ZNF726: variants seen among roughly 807,000 people sequenced by gnomAD.
The protein encoded by ZNF726 is zinc finger protein 92 pseudogene 3.
Under a neutral mutation model 11.6 loss-of-function variants are expected in ZNF726, and 15 were observed. The ratio of observed to expected loss-of-function variants is 1.29; its 90% CI spans 0.86 to 1.99. The LOEUF (loss-of-function observed/expected upper bound fraction) is 1.99. ZNF726 is among the 30% of genes most tolerant of loss of function. The pLI, the probability that ZNF726 is intolerant of heterozygous loss-of-function variation, is 0.00. For synonymous variants in ZNF726, 295 were observed against 243.6 expected, an observed-to-expected ratio of 1.21 and a Z score of -1.96; for missense variants, 890 against 725.6, an observed-to-expected ratio of 1.23 and a Z score of -2.60.
intron 3 of ZNF726, chr19:23,929,419 GA>G: frequency 6.0e-6 from 1 of 165,666 alleles, no homozygotes; most frequent in Non-Finnish European, 1.3e-5. Flanking sequence ...GGTGGAAGGT[GA>G]AAGGCATGTC....
At chr19:23,922,267 A>T (rs981617889) in intron 3 of ZNF726, among the ~76,000 whole-genome samples, 1 of 152,198 alleles carries the variant, frequency 6.6e-6, no homozygotes, top group Admixed American at 6.5e-5. Context: ...TTATATCAGG[A>T]TGTGGATGAG....
rs1968173278 is a variant in ZNF726 at position 23,933,737 on chromosome 19, G to C, written c.1621G>C (p.Glu541Gln). Residue 541 changes from glutamate (E) to glutamine (Q), a missense_variant, in exon 4 of 4, where the codon GAA becomes CAA. Glu to Gln is a conservative substitution (Grantham distance 29). Coordinates refer to ENST00000594466, the MANE Select transcript of ZNF726 (RefSeq NM_001244038.2). ...HTGEKPYKCE[E>Q]CGKTFNQSSN... is the part of the protein sequence containing the mutation. ...TGGAGAGAAACCCTACAAATGTGAA[G>C]AATGTGGCAAAACTTTTAATCAATC... 1 of 1,612,006 alleles carries C rather than the reference G, an allele frequency of 6.2e-7. No homozygotes were observed. The highest frequency in any genetic ancestry group is 1.3e-5 in the African/African-American group (1 of 74,820).
In ZNF726 at chr19:23,932,362, T is replaced by C. The variant is rs771225245; in HGVS notation, c.246T>C (p.Ala82=). Residue 82 remains alanine, a synonymous_variant, in exon 4 of 4, where the codon GCT becomes GCC. Coordinates refer to ENST00000594466, the MANE Select transcript of ZNF726 (RefSeq NM_001244038.2). ...DEPPGICPHF[A]QDIWPEQGVE... is the part of the protein sequence containing the mutation. ...TTTTAGGTATATGTCCTCATTTTGC[T>C]CAAGACATTTGGCCAGAGCAGGGCG... 3 of 1,434,172 alleles carry C rather than the reference T, an allele frequency of 2.1e-6. No homozygotes were observed. The East Asian group carries it at 7.4e-5, about 35-fold the overall frequency. The allele number at this position is 1,434,172 out of a possible 1,614,324, so 88.8% of individuals were successfully genotyped here. A position where few individuals can be genotyped will look rare whatever the true frequency, so the allele number is the denominator to read the frequency against.
Position 23,919,570 on chromosome 19 carries a change from C to G in ZNF726, c.130+71C>G, listed in dbSNP as rs1967792132. The G allele has an allele frequency of 4.7e-6, 7 of 1,476,216 alleles. No homozygotes were observed. The South Asian group carries it at 6.5e-5, about 14-fold the overall frequency. The allele number at this position is 1,476,216 out of a possible 1,614,324, so 91.4% of individuals were successfully genotyped here. On this transcript the variant is annotated intron_variant, in intron 2 of 3. Coordinates refer to ENST00000594466, the MANE Select transcript of ZNF726 (RefSeq NM_001244038.2). The stretch of plus-strand genomic sequence containing the variant: ...TTATTTTTCTTTTGTAGTATGTTTT[C>G]TGGTAATTTATGCTTTCCTATTTCT...
intron 3 of ZNF726, among the ~76,000 whole-genome samples, chr19:23,922,268 TG>T: frequency 6.6e-6 from 1 of 152,212 alleles, no homozygotes. Flanking sequence ...TATATCAGGA[TG>T]TGGATGAGCA....
intron 3 of ZNF726, among the ~76,000 whole-genome samples, chr19:23,922,838 G>A (rs536474652): frequency 1.3e-3 from 192 of 152,112 alleles, no homozygotes; most frequent in Admixed American, 2.2e-3. Context: ...TGTGAACCAT[G>A]ATGCCTGGTT....
At chr19:23,940,670 C>G (rs1245325285) in intron 3 of ZNF726, among the ~76,000 whole-genome samples, 1 of 152,114 alleles carries the variant, frequency 6.6e-6, no homozygotes, top group Non-Finnish European at 1.5e-5. Flanking sequence ...TATCTTTCAG[C>G]AGTGTTTTGT....
At chr19:23,925,724 T>C (rs946339172) in intron 3 of ZNF726, among the ~76,000 whole-genome samples, 1 of 149,266 alleles carries the variant, frequency 6.7e-6, no homozygotes, top group Non-Finnish European at 1.5e-5. Flanking sequence ...TTTTTTTTTT[T>C]TTTTTTTTGG....
rs963811027 is a variant in ZNF726, at chr19:23,933,359, C to G, written c.1243C>G (p.His415Asp). ...TCATCGATCCTCAAATCTTACTAAA[C>G]ATAAGATAATTCATACTGGAGAGAA... Reference protein sequence around the residue: ...AFHRSSNLTKHKIIHTGEKPY... With the variant: ...AFHRSSNLTKDKIIHTGEKPY... The change falls in exon 4 of 4, where the codon CAT becomes GAT. Residue 415 changes from histidine to aspartate, a missense_variant. Transcript: ENST00000594466. 1 of 1,612,706 alleles carries G rather than the reference C, an allele frequency of 6.2e-7. No individual in the cohort carries two copies. Among genetic ancestry groups the G allele is most frequent in the African/African-American group, 1.3e-5 (1 of 74,746 alleles).
At chr19:23,931,505 T>C (rs1293389636) in intron 3 of ZNF726, among the ~76,000 whole-genome samples, 1 of 152,166 alleles carries the variant, frequency 6.6e-6, no homozygotes, top group Non-Finnish European at 1.5e-5. Flanking sequence ...TATTTTTTTA[T>C]GGTTTCTTTC....
chr19:23,936,103 A>G (rs1480200935), downstream of ZNF726: 1 of 152,208 alleles, frequency 6.6e-6, no homozygotes, highest in African/African-American at 2.4e-5. Flanking sequence ...ATTTGGAAAA[A>G]CATTTTTTCA....
At chr19:23,930,848 C>G (rs1568379236) in intron 3 of ZNF726, among the ~76,000 whole-genome samples, 1 of 152,100 alleles carries the variant, frequency 6.6e-6, no homozygotes, top group Non-Finnish European at 1.5e-5. Flanking sequence ...AAATTTACCA[C>G]AAAATATTTT....
rs188109744 is a variant in ZNF726, at chr19:23,941,893, T to C, written c.227-1601T>C. On this transcript the variant is annotated intron_variant, in intron 3 of 4. Coordinates refer to the ZNF726 transcript ENST00000334589. ...CTTGGTTAATCTTGCTAATGGCCTATCAATTTTATTTATCTTTTCTAAGGA... is the reference window on the plus strand; with the variant it reads ...CTTGGTTAATCTTGCTAATGGCCTACCAATTTTATTTATCTTTTCTAAGGA... Among the ~76,000 whole-genome samples, 4 of 152,322 alleles carry C rather than the reference T, an allele frequency of 2.6e-5. No individual in the cohort carries two copies. The East Asian group carries it at 7.7e-4, about 29-fold the overall frequency.
chr19:23,915,668 C>T (rs1024056527), intron 1 of ZNF726, among the ~76,000 whole-genome samples: 7 of 152,000 alleles, frequency 4.6e-5, no homozygotes, highest in South Asian at 2.1e-4. Flanking sequence ...GCAACCTCCA[C>T]CTCCCGGGTT....
At chr19:23,940,529 T>G (rs966110058) in intron 3 of ZNF726, among the ~76,000 whole-genome samples, 3 of 151,940 alleles carry the variant, frequency 2.0e-5, no homozygotes, top group South Asian at 4.2e-4. Flanking sequence ...GTGTGAAGAA[T>G]GATGGTGGTA....
chr19:23,943,476 T>C (rs1387225473), intron 3 of ZNF726: 2 of 593,820 alleles, frequency 3.4e-6, no homozygotes, highest in Non-Finnish European at 3.1e-6. Flanking sequence ...GTCATATTAC[T>C]TTTTTCTAAC....
At chr19:23,935,102 G>C, downstream of ZNF726, 1 of 356,712 alleles carries the variant, frequency 2.8e-6, no homozygotes, top group South Asian at 2.2e-5. Flanking sequence ...TCTGCCCAGG[G>C]GCAAGGCTGG....
chr19:23,927,139 G>A (rs1284472402), intron 3 of ZNF726, among the ~76,000 whole-genome samples: 3 of 151,840 alleles, frequency 2.0e-5, no homozygotes, highest in Admixed American at 2.0e-4. Flanking sequence ...AAATTTTTTT[G>A]TATTTTTAGT....
chr19:23,940,086 T>C (rs1968314663), intron 3 of ZNF726, among the ~76,000 whole-genome samples: 1 of 152,138 alleles, frequency 6.6e-6, no homozygotes, highest in Admixed American at 6.5e-5. Flanking sequence ...CATGAAATTT[T>C]TGCCTAGCCA....
Sources: gnomAD v4.1 joint callset for allele counts (sites outside exome capture counted in the v4.1 genomes callset) on GRCh38, gnomAD v4.1.1 for gene constraint, MANE v1.5 for transcripts, NCBI Gene and HGNC (gene_info 2026-07-23, HGNC 2026-07-21) for gene names.